The following FAM177B variants were observed in gnomAD, a reference collection of about 807,000 sequenced individuals.
The protein encoded by FAM177B is protein FAM177B.
A neutral mutation model predicts 16.1 loss-of-function variants in FAM177B; 16 were observed. That is an observed-to-expected ratio of 0.99 (90% CI 0.67 to 1.51). FAM177B has a LOEUF of 1.51. Among genes scored for constraint, FAM177B ranks in the 40% most tolerant of loss-of-function variants. The pLI is 0.00. For missense variants in FAM177B, 178 were observed against 183.7 expected (o/e 0.97, Z 0.18); for synonymous variants, 56 against 59.9 (o/e 0.93, Z 0.30).
intron 3 of FAM177B, 35 bp downstream of exon 3, chr1:222,746,754 G>T: frequency 6.6e-7 from 1 of 1,507,438 alleles, no homozygotes; most frequent in African/African-American, 1.4e-5. Flanking sequence ...GGAACATGGT[G>T]GGGGAGGCGG....
chr1:222,741,725 TTCCC>T lies in FAM177B; in HGVS notation c.-16+3724_-16+3727del, dbSNP rs372715175. Reference sequence around the variant, plus strand: ...CTCTTTTCCTTCCTTCCTTCCTTCCTTCCCTCCCTCCCTCCCTCCCTCCTTTCTT... The same window carrying T: ...CTCTTTTCCTTCCTTCCTTCCTTCCTTCCCTCCCTCCCTCCCTCCTTTCTT... On this transcript the variant is annotated intron_variant, in intron 2 of 5. Coordinates refer to ENST00000445590, the MANE Select transcript of FAM177B (RefSeq NM_001394345.1). Among the ~76,000 whole-genome samples, 1,072 of 149,926 alleles carry T rather than the reference TTCCC, an allele frequency of 7.2e-3. 6 individuals are homozygous for T. The highest frequency in any genetic ancestry group is 0.011 in the East Asian group (55 of 4,964).
intron 2 of FAM177B, among the ~76,000 whole-genome samples, chr1:222,743,532 C>T (rs776592857): frequency 4.6e-5 from 7 of 152,108 alleles, no homozygotes; most frequent in South Asian, 2.1e-4. Flanking sequence ...TTGTACTTGG[C>T]GTCTGACAGA....
intron 5 of FAM177B, 24 bp from the exon 6 acceptor site, chr1:222,749,896 AT>A (rs779894107): frequency 6.2e-7 from 1 of 1,613,336 alleles, no homozygotes; most frequent in Non-Finnish European, 8.5e-7. Context: ...ACAGTTAAAC[AT>A]TTCCTTATTT....
At chr1:222,749,640 G>A in intron 5 of FAM177B, 78 bp downstream of exon 5, 1 of 877,192 alleles carries the variant, frequency 1.1e-6, no homozygotes, top group Non-Finnish European at 1.8e-6. Context: ...GTATAGAGAA[G>A]TATTTTTCCC....
rs142227159 is a variant in FAM177B, at chr1:222,750,189, C to T, written c.*131C>T. ...AACACCAGAGGTAGCACTTCTGAGC[C>T]AGATCTGATCCTAATCTCTGTGTGA... On this transcript the variant is annotated 3_prime_UTR_variant, in exon 6 of 6. Coordinates refer to ENST00000445590, the MANE Select transcript of FAM177B (RefSeq NM_001394345.1). The T allele has an allele frequency of 1.3e-4, 193 of 1,477,962 alleles. No individual in the cohort carries two copies. The highest frequency in any genetic ancestry group is 1.7e-4 in the Non-Finnish European group (188 of 1,120,092). The allele number at this position is 1,477,962 out of a possible 1,614,324, so 91.6% of individuals were successfully genotyped here. A position where few individuals can be genotyped will look rare whatever the true frequency, so the allele number is the denominator to read the frequency against.
chr1:222,741,053 TTTTC>T (rs1263781008), intron 2 of FAM177B, among the ~76,000 whole-genome samples: 1 of 105,488 alleles, frequency 9.5e-6, no homozygotes, highest in African/African-American at 3.5e-5. Flanking sequence ...TTACTTTTTG[TTTTC>T]TTTTTTTTTT....
intron 2 of FAM177B, among the ~76,000 whole-genome samples, chr1:222,742,131 A>T (rs1334389061): frequency 6.6e-6 from 1 of 151,962 alleles, no homozygotes; most frequent in Admixed American, 6.6e-5. Context: ...AACTACTATT[A>T]GACGTACTGA....
chr1:222,739,362 A>AC (rs1467534790), intron 2 of FAM177B, among the ~76,000 whole-genome samples: 1 of 152,180 alleles, frequency 6.6e-6, no homozygotes, highest in African/African-American at 2.4e-5. Flanking sequence ...TCCCTAAATC[A>AC]CAAGTCTCTG....
At chr1:222,746,967 C>A in intron 3 of FAM177B, 48 bp from the exon 4 acceptor site, 2 of 1,236,720 alleles carry the variant, frequency 1.6e-6, no homozygotes, top group South Asian at 2.4e-5. Flanking sequence ...AATCTGCAGT[C>A]ACCATTCCTC....
At position 222,744,472 on chromosome 1, in the gene FAM177B, C is replaced by CAAAAAA. The variant is rs763596466; in HGVS notation, c.-15-2047_-15-2042dup. Among the ~76,000 whole-genome samples, 2 of 82,482 alleles carry CAAAAAA rather than the reference C, an allele frequency of 2.4e-5. 1 individual carries two copies. Among genetic ancestry groups the CAAAAAA allele is most frequent in the Admixed American group, 2.7e-4 (2 of 7,292 alleles). 54.1% of individuals were successfully genotyped at this position (82,482 alleles called of 152,430 possible). A position where few individuals can be genotyped will look rare whatever the true frequency, so the allele number is the denominator to read the frequency against. On this transcript the variant is annotated intron_variant, in intron 2 of 5. Transcript: ENST00000445590. ...GGGCAACAAGAGTGAAACTCCATCT[C>CAAAAAA]AAAAAAAAAAAAAAAAAGGCAAAAA...
chr1:222,746,487 C>A, intron 2 of FAM177B, 44 bp from the exon 3 acceptor site: 1 of 1,122,820 alleles, frequency 8.9e-7, no homozygotes, highest in South Asian at 1.5e-5. Context: ...TAACTCTCAG[C>A]TCTGGGTAAC....
chr1:222,747,145 AG>A (rs1658838765), intron 4 of FAM177B, 64 bp downstream of exon 4: 1 of 1,092,078 alleles, frequency 9.2e-7, no homozygotes. Context: ...AGGCCCTCAG[AG>A]TATGTGGGAC....
At chr1:222,739,595 T>C (rs1234316463) in intron 2 of FAM177B, 1 of 152,208 alleles carries the variant, frequency 6.6e-6, no homozygotes, top group Non-Finnish European at 1.5e-5. Flanking sequence ...GCCACTGGGC[T>C]TAGCTAATAT....
At chr1:222,745,336 G>T (rs1018574327) in intron 2 of FAM177B, among the ~76,000 whole-genome samples, 1 of 152,180 alleles carries the variant, frequency 6.6e-6, no homozygotes, top group Non-Finnish European at 1.5e-5. Context: ...AAGAGACCAG[G>T]CATAGTGGCT....
intron 4 of FAM177B, among the ~76,000 whole-genome samples, chr1:222,747,614 T>C (rs1658862325): frequency 6.6e-6 from 1 of 152,218 alleles, no homozygotes; most frequent in African/African-American, 2.4e-5. Context: ...TTTGCTTGAC[T>C]TTCATCAATT....
At chr1:222,749,663 G>A (rs1658967152) in intron 5 of FAM177B, 101 bp downstream of exon 5, 1 of 743,724 alleles carries the variant, frequency 1.3e-6, no homozygotes, top group South Asian at 1.8e-5. Flanking sequence ...CTGGTCATAT[G>A]TACTATAATT....
intron 5 of FAM177B, 87 bp downstream of exon 5, chr1:222,749,649 C>T (rs1658966172): frequency 7.3e-6 from 6 of 824,624 alleles, no homozygotes; most frequent in Non-Finnish European, 1.2e-5. Context: ...AGTATTTTTC[C>T]CACCTGGTCA....
chr1:222,743,602 T>C (rs1658650465), intron 2 of FAM177B, among the ~76,000 whole-genome samples: 1 of 151,746 alleles, frequency 6.6e-6, no homozygotes, highest in African/African-American at 2.4e-5. Context: ...TCACAGCATA[T>C]GAGGACTATG....
At chr1:222,743,750 A>G (rs1658656776) in intron 2 of FAM177B, among the ~76,000 whole-genome samples, 1 of 152,080 alleles carries the variant, frequency 6.6e-6, no homozygotes, top group African/African-American at 2.4e-5. Flanking sequence ...TCCTGTCCAT[A>G]TTTTATAGAT....
Sources: allele counts gnomAD v4.1 joint callset (sites outside exome capture counted in the v4.1 genomes callset), GRCh38; gene constraint gnomAD v4.1.1; transcripts MANE v1.5; gene names NCBI Gene and HGNC (gene_info 2026-07-23, HGNC 2026-07-21).